Variants in RAPGEF6 observed in about 807,000 individuals in gnomAD.
RAPGEF6 encodes Rap guanine nucleotide exchange factor 6.
Under a neutral mutation model 171.4 loss-of-function variants are expected in RAPGEF6, and 56 were observed. The ratio of observed to expected loss-of-function variants is 0.33; its 90% CI spans 0.26 to 0.41. The LOEUF (loss-of-function observed/expected upper bound fraction) is 0.41, where lower values mean the gene tolerates loss of function less well. RAPGEF6 is among the 10% of genes least tolerant of loss of function. RAPGEF6 has a pLI of 1.00. For missense variants in RAPGEF6, 1,674 were observed against 1,921.4 expected (o/e 0.87, Z 2.41); for synonymous variants, 692 against 650.1 (o/e 1.06, Z -0.98).
At chr5:131,503,559 A>G (rs1757159778) in intron 11 of RAPGEF6, among the ~76,000 whole-genome samples, 2 of 152,240 alleles carry the variant, frequency 1.3e-5, no homozygotes, top group Admixed American at 1.3e-4. Context: ...ATGACATCAG[A>G]CTTCAAATTA....
intron 3 of RAPGEF6, among the ~76,000 whole-genome samples, chr5:131,602,272 G>A (rs1167093098): frequency 2.0e-5 from 3 of 152,098 alleles, no homozygotes; most frequent in African/African-American, 7.2e-5. Flanking sequence ...ATTGCTCCTA[G>A]TTTACATACT....
intron 17 of RAPGEF6, chr5:131,469,890 C>A: frequency 4.1e-6 from 5 of 1,205,492 alleles, no homozygotes; most frequent in Non-Finnish European, 5.8e-6. Context: ...GCTTTGCCCC[C>A]ACTTTCATTT....
chr5:131,613,380 A>G (rs1765060446), intron 1 of RAPGEF6, among the ~76,000 whole-genome samples: 1 of 152,126 alleles, frequency 6.6e-6, no homozygotes, highest in African/African-American at 2.4e-5. Context: ...ACTGCACTCC[A>G]GCCTGGGCGA....
chr5:131,635,019 G>T lies in RAPGEF6; in HGVS notation c.12C>A (p.Pro4=), dbSNP rs756438671. 3.4e-5 allele frequency: 54 copies of T among 1,611,838 alleles called. No homozygotes were observed. MNS[P]VDPGARQALR... is the part of the protein sequence containing the mutation. ...ACGCCTGCCTAGCGCCAGGGTCCAC[G>T]GGTGAGTTCATGGCCACGGCCCGGG... The change falls in exon 1 of 28, where the codon CCC becomes CCA. Residue 4 remains proline, a synonymous_variant. Transcript: ENST00000509018.
intron 19 of RAPGEF6, among the ~76,000 whole-genome samples, chr5:131,456,943 A>C (rs1374407695): frequency 6.6e-6 from 1 of 152,250 alleles, no homozygotes; most frequent in African/African-American, 2.4e-5. Context: ...TCGAGGTCAA[A>C]CAGGAGTAAG....
At chr5:131,517,322 A>G (rs1325209852) in intron 7 of RAPGEF6, among the ~76,000 whole-genome samples, 1 of 152,056 alleles carries the variant, frequency 6.6e-6, no homozygotes, top group Non-Finnish European at 1.5e-5. Flanking sequence ...CTGGATAAGA[A>G]GACTCCACGT....
At chr5:131,570,924 C>T (rs1235078564) in intron 4 of RAPGEF6, among the ~76,000 whole-genome samples, 1 of 150,196 alleles carries the variant, frequency 6.7e-6, no homozygotes, top group African/African-American at 2.5e-5. Flanking sequence ...CAACTCCCCA[C>T]GTCTTCATCC....
intron 15 of RAPGEF6, 147 bp from the exon 16 acceptor site, chr5:131,479,900 C>T (rs184949): frequency 0.71 from 522,352 of 739,096 alleles, 190,127 homozygotes; most frequent in Non-Finnish European, 0.77. Flanking sequence ...AGTATTTACC[C>T]GTCCTTTAGC....
intron 2 of RAPGEF6, 60 bp from the exon 3 acceptor site, chr5:131,603,387 T>G: frequency 2.6e-6 from 3 of 1,149,012 alleles, no homozygotes; most frequent in Non-Finnish European, 3.8e-6. Context: ...TTGTTATAAT[T>G]TGACCTCAAC....
At chr5:131,458,547 G>A (rs1398391761) in intron 19 of RAPGEF6, among the ~76,000 whole-genome samples, 1 of 152,220 alleles carries the variant, frequency 6.6e-6, no homozygotes, top group African/African-American at 2.4e-5. Context: ...ACTGAAACAA[G>A]TGGAATAAGT....
chr5:131,456,109 T>C, intron 19 of RAPGEF6, 97 bp from the exon 20 acceptor site: 1 of 798,414 alleles, frequency 1.3e-6, no homozygotes, highest in African/African-American at 1.7e-5. Flanking sequence ...AAAGTAAAAA[T>C]AAGCAGGGAC....
chr5:131,604,665 T>C lies in RAPGEF6; in HGVS notation c.98A>G (p.His33Arg). The stretch of plus-strand genomic sequence containing the variant: ...GAGATTTGATAATATTTCCATTCCA[T>C]GAAGATAAGAATAAATAGTATTTAA... ...EDLNTIYSYL[H>R]GMEILSNLRE... Residue 33 changes from histidine to arginine, a missense_variant, in exon 2 of 28, where the codon CAT becomes CGT. His to Arg is a conservative substitution (Grantham distance 29). This residue lies in a region of RAPGEF6 where 1,116 missense variants were observed against 1,321.5 expected (regional missense o/e 0.84). Transcript: ENST00000509018. 6.2e-7 allele frequency: 1 copy of C among 1,611,492 alleles called. No homozygotes were observed.
intron 4 of RAPGEF6, among the ~76,000 whole-genome samples, chr5:131,568,917 C>T (rs1032776305): frequency 6.6e-6 from 1 of 151,800 alleles, no homozygotes; most frequent in Non-Finnish European, 1.5e-5. Flanking sequence ...TATGCAAAAA[C>T]CAACTGTATT....
intron 12 of RAPGEF6, among the ~76,000 whole-genome samples, chr5:131,497,093 T>C (rs1027148639): frequency 2.0e-5 from 3 of 152,208 alleles, no homozygotes; most frequent in Non-Finnish European, 2.9e-5. Context: ...TGGTATCTCA[T>C]TGAGGTTATG....
chr5:131,458,137 T>C (rs933148434), intron 19 of RAPGEF6, among the ~76,000 whole-genome samples: 1 of 152,160 alleles, frequency 6.6e-6, no homozygotes, highest in Non-Finnish European at 1.5e-5. Context: ...AACACCACTA[T>C]AAAAACTGAT....
chr5:131,522,007 C>T (rs1388916498), intron 6 of RAPGEF6, among the ~76,000 whole-genome samples: 1 of 151,978 alleles, frequency 6.6e-6, no homozygotes, highest in African/African-American at 2.4e-5. Context: ...CTACTGGCAG[C>T]AAGACTTAAG....
intron 1 of RAPGEF6, among the ~76,000 whole-genome samples, chr5:131,614,320 A>AAAGACT (rs928744199): frequency 2.0e-5 from 3 of 151,376 alleles, no homozygotes; most frequent in African/African-American, 7.3e-5. Context: ...AGAAAAAGAA[A>AAAGACT]AAGACTACCG....
intron 6 of RAPGEF6, chr5:131,533,044 G>C (rs919811828): frequency 6.6e-6 from 1 of 152,518 alleles, no homozygotes; most frequent in Non-Finnish European, 1.5e-5. Flanking sequence ...AAGAAGGAAA[G>C]AGAGTGGGAG....
At chr5:131,629,168 T>C (rs1766132695) in intron 1 of RAPGEF6, among the ~76,000 whole-genome samples, 1 of 152,150 alleles carries the variant, frequency 6.6e-6, no homozygotes, top group Non-Finnish European at 1.5e-5. Context: ...AAATGATTCA[T>C]CATTCCAGAT....
Sources: gnomAD v4.1 joint callset for allele counts (sites outside exome capture counted in the v4.1 genomes callset) on GRCh38, gnomAD v4.1.1 for gene constraint, gnomAD v4.1.1 regional missense constraint, MANE v1.5 for transcripts, NCBI Gene and HGNC (gene_info 2026-07-23, HGNC 2026-07-21) for gene names.